N4BP2L1: variants seen among roughly 807,000 people sequenced by gnomAD.
N4BP2L1 encodes the protein NEDD4 binding protein 2 like 1, also known as NEDD4-binding protein 2-like 1.
Under a neutral mutation model 21.2 loss-of-function variants are expected in N4BP2L1, and 12 were observed. The observed-to-expected ratio is 0.57, with a 90% CI of 0.36 to 0.92. N4BP2L1 has a LOEUF of 0.92. Among genes scored for constraint, N4BP2L1 ranks in the 40% least tolerant of loss-of-function variants. The pLI is 0.01. For missense variants in N4BP2L1, 259 were observed against 310.6 expected, an observed-to-expected ratio of 0.83 and a Z score of 1.25; for synonymous variants, 104 against 112.8, an observed-to-expected ratio of 0.92 and a Z score of 0.49.
chr13:32,405,314 A>G (rs1030057230), intron 3 of N4BP2L1, among the ~76,000 whole-genome samples: 3 of 152,162 alleles, frequency 2.0e-5, no homozygotes, highest in African/African-American at 7.2e-5. Flanking sequence ...GTTTGAGACC[A>G]GGCTGGCCAC....
At chr13:32,417,169 T>A (rs961499269) in intron 1 of N4BP2L1, among the ~76,000 whole-genome samples, 3 of 152,206 alleles carry the variant, frequency 2.0e-5, no homozygotes, top group African/African-American at 7.2e-5. Flanking sequence ...TTACTCATTT[T>A]TGTACAATGA....
chr13:32,407,015 C>A, intron 3 of N4BP2L1: 2 of 530,816 alleles, frequency 3.8e-6, no homozygotes, highest in Non-Finnish European at 3.4e-6. Flanking sequence ...CACCAAAGAC[C>A]ATTTGCCAAG....
chr13:32,411,958 C>T (rs1425114968), intron 1 of N4BP2L1: 1 of 161,190 alleles, frequency 6.2e-6, no homozygotes, highest in Non-Finnish European at 1.3e-5. Context: ...CAGTTATCAA[C>T]ATATGGCCAG....
rs551737015 is a variant in N4BP2L1, at chr13:32,410,796, C to T, written c.180-3024G>A. Among the ~76,000 whole-genome samples the T allele has an allele frequency of 2.0e-5, 3 of 152,214 alleles. No individual in the cohort carries two copies. The South Asian group carries it at 6.2e-4, about 32-fold the overall frequency. ...ATAGTGTATAATGTATTTCCCTTAT[C>T]CTCTGTACACTAAGTTAAGCAACCA... On this transcript the variant is annotated intron_variant, in intron 1 of 4. Transcript: ENST00000380130.
intron 4 of N4BP2L1, chr13:32,403,591 T>TA: frequency 2.2e-6 from 1 of 463,478 alleles, no homozygotes; most frequent in Admixed American, 2.4e-5. Context: ...AGATACTTAT[T>TA]AAAACAATCT....
At chr13:32,409,499 C>A (rs779291903) in intron 1 of N4BP2L1, among the ~76,000 whole-genome samples, 1 of 152,172 alleles carries the variant, frequency 6.6e-6, no homozygotes, top group Non-Finnish European at 1.5e-5. Context: ...AATTATCCAA[C>A]CCATTAAACA....
chr13:32,413,876 CTTTTTTT>C (rs57796470), intron 1 of N4BP2L1, among the ~76,000 whole-genome samples: 1 of 98,574 alleles, frequency 1.0e-5, no homozygotes, highest in Non-Finnish European at 1.9e-5. Context: ...TTGCACCAAG[CTTTTTTT>C]TTTTTTTTTT....
At chr13:32,409,001 G>A (rs569766297) in intron 1 of N4BP2L1, among the ~76,000 whole-genome samples, 1 of 152,298 alleles carries the variant, frequency 6.6e-6, no homozygotes, top group Non-Finnish European at 1.5e-5. Flanking sequence ...AGACTGAAAT[G>A]AGGCCAGTAT....
At position 32,401,599 on chromosome 13, in the gene N4BP2L1, CTATT is replaced by C. The variant is rs1488834228; in HGVS notation, c.*1339_*1342del. The stretch of plus-strand genomic sequence containing the variant: ...GCTTTTGTCATTACCTTTACGATTC[CTATT>C]TATTAAAAAAAAGACTGGTAAATAA... On this transcript the variant is annotated 3_prime_UTR_variant, in exon 5 of 5. Transcript: ENST00000380130. The C allele has an allele frequency of 6.6e-6, 1 of 152,316 alleles. No homozygotes were observed. Among genetic ancestry groups the C allele is most frequent in the African/African-American group, 2.4e-5 (1 of 41,342 alleles). 9.4% of individuals were successfully genotyped at this position (152,316 alleles called of 1,614,324 possible).
intron 1 of N4BP2L1, among the ~76,000 whole-genome samples, chr13:32,409,908 CCA>C (rs1234055140): frequency 6.6e-6 from 1 of 152,134 alleles, no homozygotes; most frequent in Non-Finnish European, 1.5e-5. Context: ...AATCTGACTG[CCA>C]CACAATTTAA....
chr13:32,403,256 T>C lies in N4BP2L1; in HGVS notation c.474-56A>G, dbSNP rs996264877. On this transcript the variant is annotated intron_variant, in intron 4 of 4. Transcript: ENST00000380130. Reference sequence around the variant, plus strand: ...GCAGGATACCACAATGAGTTACTTATATTTTACAAGTCCTCTAGTATTGCA... The same window carrying C: ...GCAGGATACCACAATGAGTTACTTACATTTTACAAGTCCTCTAGTATTGCA... 1.9e-5 allele frequency: 29 copies of C among 1,522,672 alleles called. No individual in the cohort carries two copies. In the Middle Eastern group the frequency reaches 5.3e-4, roughly 28 times the overall value. The allele number at this position is 1,522,672 out of a possible 1,614,324, so 94.3% of individuals were successfully genotyped here.
chr13:32,411,831 C>G (rs1419491090), intron 1 of N4BP2L1: 15 of 949,572 alleles, frequency 1.6e-5, no homozygotes, highest in African/African-American at 1.8e-5. Context: ...CAGTCACTCA[C>G]TGAGAAAGTC....
intron 1 of N4BP2L1, among the ~76,000 whole-genome samples, chr13:32,419,996 G>A (rs938535268): frequency 4.6e-5 from 7 of 152,228 alleles, no homozygotes; most frequent in Non-Finnish European, 8.8e-5. Flanking sequence ...AACCTGGGCA[G>A]TGCTGCCACC....
Position 32,427,996 on chromosome 13 carries a change from G to T in N4BP2L1, c.87C>A (p.Pro29=), listed in dbSNP as rs767602681. The T allele has an allele frequency of 6.4e-6, 10 of 1,554,286 alleles. No individual in the cohort carries two copies. The East Asian group carries it at 2.5e-4, about 39-fold the overall frequency. The change falls in exon 1 of 5, where the codon CCC becomes CCA. Residue 29 remains proline (P), a synonymous_variant. Transcript: ENST00000380130. The part of the protein sequence containing the change: ...QQQRQRPPRP[P]PRGTPPRRHS... Reference sequence around the variant, plus strand: ...GGCGGCGAGGAGGTGTCCCCCGCGGGGGCGGCCGGGGCGGCCGCTGCCGCT... The same window carrying T: ...GGCGGCGAGGAGGTGTCCCCCGCGGTGGCGGCCGGGGCGGCCGCTGCCGCT...
intron 1 of N4BP2L1, among the ~76,000 whole-genome samples, chr13:32,408,550 G>T (rs79333302): frequency 0.024 from 3,644 of 152,280 alleles, 86 homozygotes; most frequent in East Asian, 0.11. Flanking sequence ...TCAAAGAGAA[G>T]ATGTTTCCAC....
intron 1 of N4BP2L1, chr13:32,416,465 A>G (rs572630294): frequency 1.3e-5 from 2 of 152,230 alleles, no homozygotes; most frequent in African/African-American, 2.4e-5. Context: ...TTTCCATATC[A>G]TGAACAAATT....
chr13:32,401,919 G>A lies in N4BP2L1; in HGVS notation c.*1023C>T. On this transcript the variant is annotated 3_prime_UTR_variant, in exon 5 of 5. Transcript: ENST00000380130. ...ATTCCAACCTGTTGGAAATTAATTT[G>A]GATTCATAAATTCAGCATCAGTATA... 2 of 985,448 alleles carry A rather than the reference G, an allele frequency of 2.0e-6. No individual in the cohort carries two copies. Among genetic ancestry groups the A allele is most frequent in the Non-Finnish European group, 2.4e-6 (2 of 829,666 alleles). The allele number at this position is 985,448 out of a possible 1,614,324, so 61.0% of individuals were successfully genotyped here.
intron 1 of N4BP2L1, among the ~76,000 whole-genome samples, chr13:32,419,803 A>G (rs1000578447): frequency 6.6e-6 from 1 of 152,210 alleles, no homozygotes; most frequent in Non-Finnish European, 1.5e-5. Context: ...CAACCCTTAA[A>G]GGAGACTGAC....
chr13:32,428,357 G>A (rs987435868), upstream of N4BP2L1: 12 of 302,298 alleles, frequency 4.0e-5, no homozygotes, highest in Middle Eastern at 1.8e-3. Context: ...GGTGCCCTTT[G>A]CCCTGAGCAG....
Sources: gnomAD v4.1 joint callset for allele counts (sites outside exome capture counted in the v4.1 genomes callset) on GRCh38, gnomAD v4.1.1 for gene constraint, MANE v1.5 for transcripts, NCBI Gene and HGNC (gene_info 2026-07-23, HGNC 2026-07-21) for gene names.